The following PELP1 variants were observed in gnomAD, a reference collection of about 807,000 sequenced individuals.
PELP1 encodes proline-, glutamic acid- and leucine-rich protein 1.
In PELP1, 32 loss-of-function variants were observed where a neutral mutation model predicts 95.5. That is an observed-to-expected ratio of 0.34 (90% CI 0.25 to 0.45). The LOEUF (loss-of-function observed/expected upper bound fraction) is 0.45. PELP1 is among the 20% of genes least tolerant of loss of function. The pLI, the probability that PELP1 is intolerant of heterozygous loss-of-function variation, is 1.00. For missense variants in PELP1, 1,358 were observed against 1,444.8 expected (o/e 0.94, Z 0.97); for synonymous variants, 668 against 600.1 (o/e 1.11, Z -1.65).
At chr17:4,676,328 T>G in intron 7 of PELP1, 29 bp downstream of exon 7, 1 of 1,608,088 alleles carries the variant, frequency 6.2e-7, no homozygotes, top group South Asian at 1.1e-5. Flanking sequence ...CTCACTATTG[T>G]TCCACTAACT....
At chr17:4,689,953 G>A (rs1394210151) in intron 3 of PELP1, among the ~76,000 whole-genome samples, 1 of 152,172 alleles carries the variant, frequency 6.6e-6, no homozygotes, top group Admixed American at 6.5e-5. Context: ...TTGAACCCGG[G>A]AGGCAGAGGT....
At chr17:4,687,530 A>G (rs986374413) in intron 3 of PELP1, among the ~76,000 whole-genome samples, 3 of 151,522 alleles carry the variant, frequency 2.0e-5, no homozygotes, top group African/African-American at 7.3e-5. Flanking sequence ...AAGTATCTTC[A>G]ACTAGAACAG....
intron 1 of PELP1, among the ~76,000 whole-genome samples, chr17:4,693,464 T>C (rs1913185801): frequency 6.6e-6 from 1 of 152,232 alleles, no homozygotes; most frequent in African/African-American, 2.4e-5. Flanking sequence ...TTTTATCAGT[T>C]AGGCACAGTA....
chr17:4,675,689 G>C lies in PELP1; in HGVS notation c.1068+108C>G, dbSNP rs757203459. 1.2e-6 allele frequency: 1 copy of C among 808,898 alleles called. No homozygotes were observed. Among genetic ancestry groups the C allele is most frequent in the Non-Finnish European group, 2.1e-6 (1 of 468,634 alleles). The allele number at this position is 808,898 out of a possible 1,614,324, so 50.1% of individuals were successfully genotyped here. ...TTTGGACAAAAGTAGGAAGCTCTCTGGGACGACTCCAGGATGACACTGTTT... is the reference window on the plus strand; with the variant it reads ...TTTGGACAAAAGTAGGAAGCTCTCTCGGACGACTCCAGGATGACACTGTTT... On this transcript the variant is annotated intron_variant, in intron 9 of 16. Transcript: ENST00000572293. This position sits in a 1 kb window ranked among gnomAD's most constrained non-coding sequence, Gnocchi z 4.3.
In PELP1 at chr17:4,675,857, G is replaced by C; in HGVS notation, c.1008C>G (p.Val336=). Residue 336 remains valine (V), a synonymous_variant, in exon 9 of 17, where the codon GTC becomes GTG. Transcript: ENST00000572293. The surrounding 1 kb of genome is among the most constrained non-coding windows in gnomAD (Gnocchi z 4.3). ...LSSEFGAPVS[V]PVQEILDFIC... Reference sequence around the variant, plus strand: ...TGAAATCCAGGATTTCCTGCACAGGGACGGACACGGGAGCTCCAAACTCAG... The same window carrying C: ...TGAAATCCAGGATTTCCTGCACAGGCACGGACACGGGAGCTCCAAACTCAG... 1 of 1,592,072 alleles carries C rather than the reference G, an allele frequency of 6.3e-7. No homozygotes were observed. Among genetic ancestry groups the C allele is most frequent in the Non-Finnish European group, 8.6e-7 (1 of 1,169,284 alleles).
intron 1 of PELP1, among the ~76,000 whole-genome samples, chr17:4,692,027 G>A (rs1412250536): frequency 6.6e-6 from 1 of 152,024 alleles, no homozygotes; most frequent in Non-Finnish European, 1.5e-5. Context: ...CTCCTCTCAC[G>A]GCACCCGCGT....
At position 4,675,020 on chromosome 17, in the gene PELP1, C is replaced by T; in HGVS notation, c.1274+59G>A. The T allele has an allele frequency of 6.2e-7, 1 of 1,606,974 alleles. No individual in the cohort carries two copies. Among genetic ancestry groups the T allele is most frequent in the Non-Finnish European group, 8.5e-7 (1 of 1,174,386 alleles). On this transcript the variant is annotated intron_variant, in intron 11 of 16. Coordinates refer to ENST00000572293, the MANE Select transcript of PELP1 (RefSeq NM_014389.3). The surrounding 1 kb of genome is among the most constrained non-coding windows in gnomAD (Gnocchi z 4.3). ...TCAACATGCCAGAAGCCCCAGCCCA[C>T]CTGCACCCCCTCACCCCCCTCTCCT...
In PELP1 at chr17:4,671,214, C is replaced by A; in HGVS notation, c.*225G>T. 1.7e-6 allele frequency: 1 copy of A among 572,776 alleles called. No homozygotes were observed. Among genetic ancestry groups the A allele is most frequent in the Admixed American group, 3.1e-5 (1 of 32,380 alleles). The allele number at this position is 572,776 out of a possible 1,614,324, so 35.5% of individuals were successfully genotyped here. A position where few individuals can be genotyped will look rare whatever the true frequency, so the allele number is the denominator to read the frequency against. On this transcript the variant is annotated 3_prime_UTR_variant, in exon 17 of 17. Coordinates refer to ENST00000572293, the MANE Select transcript of PELP1 (RefSeq NM_014389.3). ...ATCCTACAATTCTGACACCATCGTG[C>A]TGAGTGATGGGACAGTCCATTACAC...
rs1198562065 is a variant in PELP1 at position 4,672,459 on chromosome 17, A to C, written c.2532T>G (p.Pro844=). 1 of 1,299,730 alleles carries C rather than the reference A, an allele frequency of 7.7e-7. No individual in the cohort carries two copies. Among genetic ancestry groups the C allele is most frequent in the South Asian group, 1.3e-5 (1 of 76,836 alleles). 80.5% of individuals were successfully genotyped at this position (1,299,730 alleles called of 1,614,324 possible). ...AAPGPLPPPP[P]PPPPVPGPVT... ...CAGGACCAGGAACAGGCGGCGGCGG[A>C]GGTGGGGGTGGCGGGAGAGGCCCTG... Residue 844 remains proline (P), a synonymous_variant, in exon 16 of 17, where the codon CCT becomes CCG. Coordinates refer to ENST00000572293, the MANE Select transcript of PELP1 (RefSeq NM_014389.3).
Position 4,673,773 on chromosome 17 carries a change from T to G in PELP1, c.1583-99A>C. On this transcript the variant is annotated intron_variant, in intron 13 of 16. Coordinates refer to ENST00000572293, the MANE Select transcript of PELP1 (RefSeq NM_014389.3). This position sits in a 1 kb window ranked among gnomAD's most constrained non-coding sequence, Gnocchi z 5.7. ...CCAAAATGGGCATCAACTCTGCCAC[T>G]GCCTATCTTGGCCAAGTCATTTAAC... 1 of 971,360 alleles carries G rather than the reference T, an allele frequency of 1.0e-6. No homozygotes were observed. The highest frequency in any genetic ancestry group is 1.7e-6 in the Non-Finnish European group (1 of 594,674). 60.2% of individuals were successfully genotyped at this position (971,360 alleles called of 1,614,324 possible).
chr17:4,697,639 G>T (rs1469183109), intron 1 of PELP1, among the ~76,000 whole-genome samples: 3 of 152,130 alleles, frequency 2.0e-5, no homozygotes, highest in Admixed American at 2.0e-4. Context: ...CAAATATGAT[G>T]ACCCAAATTG....
At position 4,673,203 on chromosome 17, in the gene PELP1, A is replaced by ATTTC. The variant is rs767402873; in HGVS notation, c.1845+46_1845+47insGAAA. 4 of 1,532,928 alleles carry ATTTC rather than the reference A, an allele frequency of 2.6e-6. No individual in the cohort carries two copies. In the African/African-American group the frequency reaches 4.1e-5, roughly 16 times the overall value. The allele number at this position is 1,532,928 out of a possible 1,614,324, so 95.0% of individuals were successfully genotyped here. A position where few individuals can be genotyped will look rare whatever the true frequency, so the allele number is the denominator to read the frequency against. On this transcript the variant is annotated intron_variant, in intron 15 of 16. Transcript: ENST00000572293. The surrounding 1 kb of genome is among the most constrained non-coding windows in gnomAD (Gnocchi z 5.7). Reference sequence around the variant, plus strand: ...CAGAAATACTGGGAGTCTCTTGGAAACAAGAGACTCCAGGAACCAAAGAGG... The same window carrying ATTTC: ...CAGAAATACTGGGAGTCTCTTGGAAATTTCCAAGAGACTCCAGGAACCAAAGAGG...
chr17:4,677,808 T>C (rs10775384), intron 5 of PELP1, among the ~76,000 whole-genome samples: 92,800 of 151,810 alleles, frequency 0.61, 30,436 homozygotes, highest in South Asian at 0.82. Context: ...CGCATGCCTG[T>C]AGTCCCAGCT....
chr17:4,678,367 T>G (rs1597448736), intron 5 of PELP1, among the ~76,000 whole-genome samples: 1 of 152,084 alleles, frequency 6.6e-6, no homozygotes, highest in East Asian at 1.9e-4. Flanking sequence ...CCTAGCTACT[T>G]GGGAGACTGA....
At chr17:4,686,174 C>T (rs190707478) in intron 3 of PELP1, among the ~76,000 whole-genome samples, 38 of 152,214 alleles carry the variant, frequency 2.5e-4, no homozygotes, top group Admixed American at 7.2e-4. Context: ...CCACTGATGC[C>T]GGATCAGGGG....
In PELP1 at chr17:4,703,900, C is replaced by T. The variant is rs745517707; in HGVS notation, c.212G>A (p.Cys71Tyr). 5 of 1,613,252 alleles carry T rather than the reference C, an allele frequency of 3.1e-6. No individual in the cohort carries two copies. Among genetic ancestry groups the T allele is most frequent in the African/African-American group, 1.3e-5 (1 of 74,934 alleles). ...CACCGACCCATGCAGCCGCAATAGG[C>T]ACATGAGCCCGGGCAAATGTGGGGC... Reference protein sequence around the residue: ...RSAPHLPGLMCLLRLHGSVGG... With the variant: ...RSAPHLPGLMYLLRLHGSVGG... The change falls in exon 1 of 17, where the codon TGC becomes TAC. Residue 71 changes from cysteine (C) to tyrosine (Y), a missense_variant. Cys to Tyr is a radical substitution (Grantham distance 194, BLOSUM62 -2). Transcript: ENST00000572293.
rs548477053 is a variant in PELP1 at position 4,673,542 on chromosome 17, C to T, written c.1638+77G>A. ...CTACTCCCAGGTCGGAATGGACCCA[C>T]CTCTGGGCCACACCCCCCAATGTGT... On this transcript the variant is annotated intron_variant, in intron 14 of 16. Transcript: ENST00000572293. This position sits in a 1 kb window ranked among gnomAD's most constrained non-coding sequence, Gnocchi z 5.7. 4 of 1,571,868 alleles carry T rather than the reference C, an allele frequency of 2.5e-6. No individual in the cohort carries two copies. The South Asian group carries it at 3.3e-5, about 13-fold the overall frequency.
chr17:4,697,811 T>C (rs781194486), intron 1 of PELP1, among the ~76,000 whole-genome samples: 21 of 151,788 alleles, frequency 1.4e-4, no homozygotes, highest in Non-Finnish European at 1.9e-4. Context: ...GAACCTTTAA[T>C]AGATGTTAAA....
intron 1 of PELP1, among the ~76,000 whole-genome samples, chr17:4,693,732 C>T (rs1040083192): frequency 1.2e-4 from 19 of 152,260 alleles, no homozygotes; most frequent in African/African-American, 4.1e-4. Context: ...CAGAACTCCT[C>T]GAGAGTCCAT....
Sources: allele counts gnomAD v4.1 joint callset (sites outside exome capture counted in the v4.1 genomes callset), GRCh38; gene constraint gnomAD v4.1.1; non-coding constraint Gnocchi (gnomAD v3.1); transcripts MANE v1.5; gene names NCBI Gene and HGNC (gene_info 2026-07-23, HGNC 2026-07-21).